Variants in MLIP observed in about 807,000 individuals in gnomAD.
MLIP encodes muscular LMNA-interacting protein.
A neutral mutation model predicts 84.8 loss-of-function variants in MLIP; 79 were observed. The observed-to-expected ratio is 0.93, with a 90% confidence interval of 0.78 to 1.12. MLIP has a LOEUF of 1.12. MLIP is among the 50% of genes most tolerant of loss of function. The pLI, the probability that MLIP is intolerant of heterozygous loss-of-function variation, is 0.00. For synonymous variants in MLIP, 504 were observed against 463.0 expected, an observed-to-expected ratio of 1.09 and a Z score of -1.14; for missense variants, 1,257 against 1,160.6, an observed-to-expected ratio of 1.08 and a Z score of -1.21.
intron 1 of MLIP, chr6:54,045,834 C>T (rs1419594657): frequency 1.3e-5 from 2 of 152,298 alleles, no homozygotes; most frequent in African/African-American, 2.4e-5. Context: ...ACCTGTGGAA[C>T]TGTGAGCCAA....
At chr6:54,186,140 C>A (rs1777367525) in intron 9 of MLIP, among the ~76,000 whole-genome samples, 1 of 152,138 alleles carries the variant, frequency 6.6e-6, no homozygotes, top group Non-Finnish European at 1.5e-5. Context: ...ATTCATACTC[C>A]TATATACTTG....
chr6:54,063,130 T>G (rs1476211213), intron 1 of MLIP: 1 of 151,366 alleles, frequency 6.6e-6, no homozygotes, highest in Non-Finnish European at 1.5e-5. Flanking sequence ...TGCTTGAACC[T>G]GGAAGGTGGT....
At chr6:54,144,040 G>A (rs985426358) in intron 4 of MLIP, among the ~76,000 whole-genome samples, 12 of 152,072 alleles carry the variant, frequency 7.9e-5, no homozygotes, top group East Asian at 1.9e-4. Flanking sequence ...TTGCTACCTC[G>A]CCCATCTGCT....
chr6:54,128,345 G>GT (rs1251354288), intron 3 of MLIP, among the ~76,000 whole-genome samples: 1 of 152,100 alleles, frequency 6.6e-6, no homozygotes, highest in Non-Finnish European at 1.5e-5. Context: ...GAAGGTAAAA[G>GT]TAGGAAGACA....
intron 1 of MLIP, among the ~76,000 whole-genome samples, chr6:54,052,519 A>G (rs1703899983): frequency 6.6e-6 from 1 of 152,204 alleles, no homozygotes; most frequent in Non-Finnish European, 1.5e-5. Context: ...ACACAGGTAG[A>G]GATCTATTTT....
chr6:54,264,301 C>T (rs1783565214), intron 13 of MLIP, among the ~76,000 whole-genome samples: 1 of 151,986 alleles, frequency 6.6e-6, no homozygotes, highest in Admixed American at 6.6e-5. Flanking sequence ...GCTCATATAT[C>T]TTCTATTGAA....
intron 9 of MLIP, among the ~76,000 whole-genome samples, chr6:54,184,356 A>G (rs1416172639): frequency 2.0e-5 from 3 of 152,222 alleles, no homozygotes; most frequent in African/African-American, 7.2e-5. Context: ...AGAAAAGGCA[A>G]CTGTTTAACA....
intron 1 of MLIP, among the ~76,000 whole-genome samples, chr6:54,035,922 T>C (rs9464019): frequency 0.028 from 4,288 of 152,184 alleles, 186 homozygotes; most frequent in African/African-American, 0.094. Flanking sequence ...TTGTAGCATG[T>C]CTTTCATCCT....
chr6:54,238,044 G>A (rs1207177439), intron 12 of MLIP, among the ~76,000 whole-genome samples: 5 of 151,960 alleles, frequency 3.3e-5, no homozygotes, highest in African/African-American at 1.2e-4. Context: ...ATTTTACAAT[G>A]CATTTAAATT....
intron 4 of MLIP, among the ~76,000 whole-genome samples, chr6:54,143,340 G>A (rs896927746): frequency 6.6e-6 from 1 of 151,472 alleles, no homozygotes; most frequent in African/African-American, 2.4e-5. Context: ...GCCTCAGCTG[G>A]GATTACAGTC....
Position 54,218,010 on chromosome 6 carries a change from CAG to C in MLIP, c.2719-12703_2719-12702del, listed in dbSNP as rs927699394. 6 of 985,236 alleles carry C rather than the reference CAG, an allele frequency of 6.1e-6. No homozygotes were observed. The Admixed American group carries it at 2.5e-4, about 40-fold the overall frequency. 61.0% of individuals were successfully genotyped at this position (985,236 alleles called of 1,614,324 possible). A position where few individuals can be genotyped will look rare whatever the true frequency, so the allele number is the denominator to read the frequency against. The stretch of plus-strand genomic sequence containing the variant: ...AGTGTGTTTTGAAGCAAATCTCAAA[CAG>C]GGGTCACAAACTATGGTCTGTGGGC... On this transcript the variant is annotated intron_variant, in intron 11 of 13. Coordinates refer to ENST00000502396, the MANE Select transcript of MLIP (RefSeq NM_001281747.2).
chr6:54,121,406 T>C, intron 1 of MLIP, 41 bp from the exon 2 acceptor site: 2 of 1,604,620 alleles, frequency 1.2e-6, no homozygotes, highest in Non-Finnish European at 1.7e-6. Context: ...AAGATAAACC[T>C]TTGACAAGGC....
intron 11 of MLIP, among the ~76,000 whole-genome samples, chr6:54,219,796 G>A (rs1780103123): frequency 6.6e-6 from 1 of 152,156 alleles, no homozygotes; most frequent in African/African-American, 2.4e-5. Context: ...CCTTGGAAAA[G>A]TGTCAGGCCT....
At chr6:54,056,348 C>T (rs1765658740) in intron 1 of MLIP, among the ~76,000 whole-genome samples, 1 of 152,184 alleles carries the variant, frequency 6.6e-6, no homozygotes, top group African/African-American at 2.4e-5. Context: ...CGTGAAAGGT[C>T]AAGCAGACCT....
At chr6:54,135,371 A>G (rs1258004665) in intron 3 of MLIP, among the ~76,000 whole-genome samples, 1 of 152,156 alleles carries the variant, frequency 6.6e-6, no homozygotes, top group East Asian at 1.9e-4. Flanking sequence ...ACAAATTCAC[A>G]TATAAAAGAA....
intron 11 of MLIP, among the ~76,000 whole-genome samples, chr6:54,226,561 A>G (rs936765023): frequency 1.3e-5 from 2 of 152,064 alleles, no homozygotes; most frequent in Non-Finnish European, 2.9e-5. Flanking sequence ...AAAGATATCC[A>G]GATACCCGAG....
chr6:54,134,979 T>C (rs1022040860), intron 3 of MLIP, among the ~76,000 whole-genome samples: 1 of 150,590 alleles, frequency 6.6e-6, no homozygotes, highest in African/African-American at 2.4e-5. Context: ...GACTTTTCTT[T>C]GTGGTAAAAA....
chr6:54,070,405 A>G (rs1181906468), intron 1 of MLIP, among the ~76,000 whole-genome samples: 1 of 152,152 alleles, frequency 6.6e-6, no homozygotes, highest in Non-Finnish European at 1.5e-5. Flanking sequence ...TTCTCTGCTT[A>G]CATTTTAGCC....
intron 11 of MLIP, among the ~76,000 whole-genome samples, chr6:54,218,850 T>G (rs371530118): frequency 1.5e-4 from 23 of 151,974 alleles, no homozygotes; most frequent in African/African-American, 5.5e-4. Context: ...CTCAGCTTAC[T>G]GTAATTTTTT....
Sources: gnomAD v4.1 joint callset for allele counts (sites outside exome capture counted in the v4.1 genomes callset) on GRCh38, gnomAD v4.1.1 for gene constraint, MANE v1.5 for transcripts, NCBI Gene and HGNC (gene_info 2026-07-23, HGNC 2026-07-21) for gene names.